The following ENTREP2 variants were observed in gnomAD, a reference collection of about 807,000 sequenced individuals.
ENTREP2 encodes the protein endosomal transmembrane epsin interactor 2.
the ENTREP2 span, among the ~76,000 whole-genome samples, chr15:29,453,132 G>A: frequency 1.3e-5 from 2 of 152,204 alleles, no homozygotes; most frequent in Non-Finnish European, 2.9e-5. Flanking sequence ...GCTGTTTAGT[G>A]GCCTGCCAAT....
the ENTREP2 span, among the ~76,000 whole-genome samples, chr15:29,159,419 T>C: frequency 5.3e-3 from 811 of 152,258 alleles, 4 homozygotes; most frequent in Non-Finnish European, 8.2e-3. Context: ...ATAACAAAGC[T>C]TCCACAGCAT....
chr15:29,229,725 G>C, the ENTREP2 span, among the ~76,000 whole-genome samples: 1 of 152,174 alleles, frequency 6.6e-6, no homozygotes, highest in South Asian at 2.1e-4. Flanking sequence ...TATCATTCCT[G>C]TTTGGTCTCA....
chr15:29,123,547 G>T, the ENTREP2 span: 1 of 1,551,782 alleles, frequency 6.4e-7, no homozygotes, highest in Non-Finnish European at 8.7e-7. Flanking sequence ...TTTGGAGGTC[G>T]CTGGGAAGGG....
chr15:29,138,615 A>G, the ENTREP2 span, among the ~76,000 whole-genome samples: 3 of 130,456 alleles, frequency 2.3e-5, no homozygotes, highest in South Asian at 2.4e-4. Context: ...GTGTGTTTGT[A>G]TGTATGTGTA....
the ENTREP2 span, among the ~76,000 whole-genome samples, chr15:29,454,036 C>A: frequency 6.6e-6 from 1 of 152,198 alleles, no homozygotes; most frequent in Non-Finnish European, 1.5e-5. Context: ...ACAAACACTT[C>A]TTTTCCAGAA....
chr15:29,422,891 T>G, the ENTREP2 span, among the ~76,000 whole-genome samples: 1 of 152,158 alleles, frequency 6.6e-6, no homozygotes, highest in Admixed American at 6.6e-5. Context: ...TTGTGGCCAA[T>G]GGAACCGGTG....
chr15:29,585,404 A>G, the ENTREP2 span, among the ~76,000 whole-genome samples: 2 of 152,208 alleles, frequency 1.3e-5, no homozygotes, highest in Non-Finnish European at 1.5e-5. Flanking sequence ...GAGATGCCCA[A>G]CATCATCAGT....
chr15:29,262,176 C>T, the ENTREP2 span, among the ~76,000 whole-genome samples: 1 of 151,360 alleles, frequency 6.6e-6, no homozygotes, highest in East Asian at 1.9e-4. Context: ...ATGATATATA[C>T]ATATTGGTTT....
At chr15:29,195,373 C>T in the ENTREP2 span, 1 of 971,356 alleles carries the variant, frequency 1.0e-6, no homozygotes, top group Non-Finnish European at 1.2e-6. Context: ...ACGCTTTCCT[C>T]CTCTCCCCAG....
chr15:29,576,869 G>A, the ENTREP2 span, among the ~76,000 whole-genome samples: 21 of 151,782 alleles, frequency 1.4e-4, no homozygotes, highest in Admixed American at 2.6e-4. Flanking sequence ...GTGCAGTGGC[G>A]TGATCTCGGC....
At chr15:29,215,367 T>TA in the ENTREP2 span, among the ~76,000 whole-genome samples, 1 of 151,992 alleles carries the variant, frequency 6.6e-6, no homozygotes, top group South Asian at 2.1e-4. Flanking sequence ...GATAAGACTA[T>TA]AAGCAGGCAG....
At chr15:29,627,478 G>T in the ENTREP2 span, among the ~76,000 whole-genome samples, 1 of 151,144 alleles carries the variant, frequency 6.6e-6, no homozygotes, top group African/African-American at 2.4e-5. Context: ...GAGAGGCGGA[G>T]GTTGCAGTGA....
the ENTREP2 span, among the ~76,000 whole-genome samples, chr15:29,172,157 A>G: frequency 6.6e-6 from 1 of 152,114 alleles, no homozygotes; most frequent in Non-Finnish European, 1.5e-5. Flanking sequence ...ATCACTGAAG[A>G]ATCCATTAGT....
chr15:29,608,569 T>A, the ENTREP2 span, among the ~76,000 whole-genome samples: 1 of 145,632 alleles, frequency 6.9e-6, no homozygotes, highest in Non-Finnish European at 1.5e-5. Flanking sequence ...TATTATTATT[T>A]TTTGAGACAG....
At chr15:29,629,861 A>C in the ENTREP2 span, among the ~76,000 whole-genome samples, 1 of 152,138 alleles carries the variant, frequency 6.6e-6, no homozygotes, top group African/African-American at 2.4e-5. Flanking sequence ...TCATGCCTGT[A>C]ATCCCAGCAC....
At chr15:29,657,586 A>T in the ENTREP2 span, among the ~76,000 whole-genome samples, 1 of 149,826 alleles carries the variant, frequency 6.7e-6, no homozygotes, top group South Asian at 2.1e-4. Context: ...ACGATTGGCT[A>T]CTTTTAGAAT....
At chr15:29,404,085 G>C in the ENTREP2 span, among the ~76,000 whole-genome samples, 9 of 152,130 alleles carry the variant, frequency 5.9e-5, no homozygotes, top group African/African-American at 2.2e-4. Context: ...GAGGTTCTGA[G>C]AGGAGGCAGA....
chr15:29,412,856 C>A, the ENTREP2 span, among the ~76,000 whole-genome samples: 2 of 151,886 alleles, frequency 1.3e-5, no homozygotes, highest in African/African-American at 4.8e-5. Context: ...TTTATTCATT[C>A]TTCTTTTTCT....
At chr15:29,537,258 G>A in the ENTREP2 span, among the ~76,000 whole-genome samples, 1 of 152,144 alleles carries the variant, frequency 6.6e-6, no homozygotes, top group Non-Finnish European at 1.5e-5. Context: ...GCCCACTAGA[G>A]TCCACGCACC....
Sources: gnomAD v4.1 joint callset for allele counts (sites outside exome capture counted in the v4.1 genomes callset) on GRCh38, gnomAD v4.1.1 for gene constraint, MANE v1.5 for transcripts, NCBI Gene and HGNC (gene_info 2026-07-23, HGNC 2026-07-21) for gene names.